Variants in RPS6KA5 observed in about 807,000 individuals in gnomAD.
RPS6KA5 encodes ribosomal protein S6 kinase alpha-5.
RPS6KA5 carries 27 observed loss-of-function variants against 85.5 expected under a neutral mutation model. That is an observed-to-expected ratio of 0.32 (90% CI 0.23 to 0.44). RPS6KA5 has a LOEUF of 0.44. RPS6KA5 is among the 20% of genes least tolerant of loss of function. The probability of loss-of-function intolerance (pLI) is 1.00; values close to 1 mark genes in which losing one functional copy is unlikely to be tolerated. For missense variants in RPS6KA5, 811 were observed against 980.9 expected, an observed-to-expected ratio of 0.83 and a Z score of 2.31; for synonymous variants, 334 against 348.2, an observed-to-expected ratio of 0.96 and a Z score of 0.46.
At position 90,927,811 on chromosome 14, in the gene RPS6KA5, T is replaced by C. The variant is rs1382838217; in HGVS notation, c.619-4615A>G. ...ACTGACAGATCAAGAAGGAAAAATA[T>C]TAGTAAAGATATTCAAGATTTGAAT... On this transcript the variant is annotated intron_variant, in intron 5 of 16. Coordinates refer to ENST00000614987, the MANE Select transcript of RPS6KA5 (RefSeq NM_004755.4). 2.0e-5 allele frequency among the ~76,000 whole-genome samples: 3 copies of C among 152,110 alleles called. 1 individual carries two copies. Among genetic ancestry groups the C allele is most frequent in the Admixed American group, 2.0e-4 (3 of 15,264 alleles).
At position 91,056,867 on chromosome 14, in the gene RPS6KA5, C is replaced by CTTTTTTTTTTTTTTTT. The variant is rs34807092; in HGVS notation, c.103+3449_103+3464dup. ...ACTGTTATACTTAAGGCAGTATTAT[C>CTTTTTTTTTTTTTTTT]TTTTTTTTTTTTTTTTTTTTTTTTT... On this transcript the variant is annotated intron_variant, in intron 1 of 16. Transcript: ENST00000614987. Among the ~76,000 whole-genome samples the CTTTTTTTTTTTTTTTT allele has an allele frequency of 1.0e-4, 4 of 38,874 alleles. 1 individual carries two copies. Among genetic ancestry groups the CTTTTTTTTTTTTTTTT allele is most frequent in the Non-Finnish European group, 1.4e-4 (3 of 21,838 alleles). The allele number at this position is 38,874 out of a possible 152,430, so 25.5% of individuals were successfully genotyped here. A position where few individuals can be genotyped will look rare whatever the true frequency, so the allele number is the denominator to read the frequency against.
rs2033182393 is a variant in RPS6KA5 at position 90,872,461 on chromosome 14, C to T, written c.2161-139G>A. 13 of 1,100,446 alleles carry T rather than the reference C, an allele frequency of 1.2e-5. No individual in the cohort carries two copies. The East Asian group carries it at 3.4e-4, about 29-fold the overall frequency. 68.2% of individuals were successfully genotyped at this position (1,100,446 alleles called of 1,614,324 possible). On this transcript the variant is annotated intron_variant, in intron 16 of 16. Coordinates refer to ENST00000614987, the MANE Select transcript of RPS6KA5 (RefSeq NM_004755.4). ...TTTTAAGGGAACAAAGCTCTTAAAA[C>T]CTTTATATCTAAGTCTATTGGCAGG...
chr14:91,036,927 C>T (rs1035917220), intron 1 of RPS6KA5, among the ~76,000 whole-genome samples: 1 of 152,148 alleles, frequency 6.6e-6, no homozygotes, highest in Non-Finnish European at 1.5e-5. Context: ...AAAAGATGCA[C>T]AGTGAGCATG....
At chr14:91,027,407 TC>T (rs2139821443) in intron 1 of RPS6KA5, among the ~76,000 whole-genome samples, 1 of 152,290 alleles carries the variant, frequency 6.6e-6, no homozygotes, top group Non-Finnish European at 1.5e-5. Context: ...TTGCCAAAGA[TC>T]AGATGGCTGT....
chr14:90,922,734 A>G (rs1220742824), intron 6 of RPS6KA5, among the ~76,000 whole-genome samples: 3 of 152,110 alleles, frequency 2.0e-5, no homozygotes, highest in Non-Finnish European at 4.4e-5. Flanking sequence ...CAGGCCCTTA[A>G]TTTTTTAAAA....
chr14:90,884,481 C>G (rs563230177), intron 14 of RPS6KA5, among the ~76,000 whole-genome samples: 267 of 152,226 alleles, frequency 1.8e-3, no homozygotes, highest in African/African-American at 6.2e-3. Flanking sequence ...ACTTCTGGTC[C>G]CAAGCATTTT....
At chr14:91,003,860 T>TA (rs766582034) in intron 1 of RPS6KA5, among the ~76,000 whole-genome samples, 14 of 152,194 alleles carry the variant, frequency 9.2e-5, no homozygotes, top group Non-Finnish European at 1.9e-4. Flanking sequence ...AAGTTTCTGA[T>TA]AGAGTTTAGA....
intron 4 of RPS6KA5, 24 bp from the exon 5 acceptor site, chr14:90,943,209 T>G (rs568293416): frequency 3.0e-6 from 4 of 1,321,534 alleles, no homozygotes; most frequent in Non-Finnish European, 4.3e-6. Flanking sequence ...GAAATATAAA[T>G]TTTAAAATAA....
At chr14:90,944,428 C>A (rs2037758968) in intron 4 of RPS6KA5, among the ~76,000 whole-genome samples, 1 of 151,958 alleles carries the variant, frequency 6.6e-6, no homozygotes, top group Admixed American at 6.6e-5. Flanking sequence ...CTAGCCTGGG[C>A]AACACAGTGA....
rs2032881605 is a variant in RPS6KA5 at position 90,868,152 on chromosome 14, C to A, written c.*3922G>T. 1 of 152,114 alleles carries A rather than the reference C, an allele frequency of 6.6e-6. No individual in the cohort carries two copies. Among genetic ancestry groups the A allele is most frequent in the Non-Finnish European group, 1.5e-5 (1 of 68,010 alleles). The allele number at this position is 152,114 out of a possible 1,614,324, so 9.4% of individuals were successfully genotyped here. A position where few individuals can be genotyped will look rare whatever the true frequency, so the allele number is the denominator to read the frequency against. ...TTACTTAACAAAACAGGGAATAAAACCTTTAATGTTGGCTGTAGCAGTTAT... is the reference window on the plus strand; with the variant it reads ...TTACTTAACAAAACAGGGAATAAAAACTTTAATGTTGGCTGTAGCAGTTAT... On this transcript the variant is annotated 3_prime_UTR_variant, in exon 17 of 17. Transcript: ENST00000614987.
rs1365990500 is a variant in RPS6KA5 at position 90,906,217 on chromosome 14, C to A, written c.889G>T (p.Asp297Tyr). The change falls in exon 8 of 17, where the codon GAT becomes TAT. Residue 297 changes from aspartate to tyrosine, a missense_variant. Transcript: ENST00000614987. ...KDLIQRLLMK[D>Y]PKKRLGCGPR... The stretch of plus-strand genomic sequence containing the variant: ...CCACATCCCAATCTCTTCTTGGGAT[C>A]TTTCATCAAAAGACGCTGAATTAGG... 1 of 1,612,968 alleles carries A rather than the reference C, an allele frequency of 6.2e-7. No homozygotes were observed.
chr14:90,908,562 G>A (rs896891405), intron 7 of RPS6KA5, among the ~76,000 whole-genome samples: 4 of 152,194 alleles, frequency 2.6e-5, no homozygotes, highest in African/African-American at 9.7e-5. Context: ...AGTGATGTGA[G>A]GAGGTTCTAA....
In RPS6KA5 at chr14:90,875,272, T is replaced by C. The variant is rs775814724; in HGVS notation, c.1925A>G (p.Lys642Arg). 4.3e-6 allele frequency: 7 copies of C among 1,613,930 alleles called. No homozygotes were observed. In the East Asian group the frequency reaches 1.3e-4, roughly 31 times the overall value. The change falls in exon 15 of 17, where the codon AAA becomes AGA. Residue 642 changes from lysine (K) to arginine (R), a missense_variant. By Grantham distance (26) the Lys-to-Arg change is conservative. This residue lies in a region of RPS6KA5 where 650 missense variants were observed against 793.4 expected (regional missense o/e 0.82). Transcript: ENST00000614987. Reference protein sequence around the residue: ...TSAVEIMKKIKKGDFSFEGEA... With the variant: ...TSAVEIMKKIRKGDFSFEGEA... ...TCCTTCAAAGGAGAAATCTCCCTTT[T>C]TAATTTTCTTCATGATTTCCACCGC...
intron 14 of RPS6KA5, among the ~76,000 whole-genome samples, chr14:90,876,143 T>C (rs1340955230): frequency 1.1e-4 from 17 of 152,130 alleles, no homozygotes. Flanking sequence ...ATGATATAGA[T>C]TTAAAATCAC....
chr14:90,960,644 C>G (rs954400227), intron 3 of RPS6KA5, among the ~76,000 whole-genome samples: 12 of 152,210 alleles, frequency 7.9e-5, no homozygotes, highest in Non-Finnish European at 1.8e-4. Context: ...AAACTGTCTA[C>G]TGCTAGAATT....
rs1429381762 is a variant in RPS6KA5, at chr14:90,849,375, T to C, written c.*22699A>G. ...GGGCACGGACTCCGGATCTTTTATC[T>C]TATGAATAGATCCACTTTGGTTGGT... is the stretch of plus-strand genomic sequence containing the variant. On this transcript the variant is annotated 3_prime_UTR_variant, in exon 17 of 17. Coordinates refer to ENST00000614987, the MANE Select transcript of RPS6KA5 (RefSeq NM_004755.4). 6.6e-6 allele frequency: 1 copy of C among 152,254 alleles called. No individual in the cohort carries two copies. Among genetic ancestry groups the C allele is most frequent in the Non-Finnish European group, 1.5e-5 (1 of 68,056 alleles). The allele number at this position is 152,254 out of a possible 1,614,324, so 9.4% of individuals were successfully genotyped here.
Position 90,964,152 on chromosome 14 carries a change from A to G in RPS6KA5, c.394+14154T>C, listed in dbSNP as rs561217722. Among the ~76,000 whole-genome samples the G allele has an allele frequency of 1.8e-4, 27 of 152,318 alleles. No homozygotes were observed. The South Asian group carries it at 5.6e-3, about 32-fold the overall frequency. ...TTAGCACTATTTCTAATTTTCTGAT[A>G]ATAAAAATAATGCTGCTTCTCCTGA... On this transcript the variant is annotated intron_variant, in intron 3 of 16. Coordinates refer to ENST00000614987, the MANE Select transcript of RPS6KA5 (RefSeq NM_004755.4).
chr14:90,926,216 C>T (rs149076091), intron 5 of RPS6KA5, among the ~76,000 whole-genome samples: 1 of 151,630 alleles, frequency 6.6e-6, no homozygotes, highest in Non-Finnish European at 1.5e-5. Context: ...AACAGCCTGG[C>T]CAACATAGCT....
intron 13 of RPS6KA5, among the ~76,000 whole-genome samples, chr14:90,891,951 T>C (rs986728761): frequency 6.6e-6 from 1 of 151,932 alleles, no homozygotes; most frequent in Non-Finnish European, 1.5e-5. Flanking sequence ...GAAATGACCA[T>C]GTTTATTCTA....
Sources: allele counts gnomAD v4.1 joint callset (sites outside exome capture counted in the v4.1 genomes callset), GRCh38; gene constraint gnomAD v4.1.1; regional missense constraint gnomAD v4.1.1; transcripts MANE v1.5; gene names NCBI Gene and HGNC (gene_info 2026-07-23, HGNC 2026-07-21).